The following PRPH2 variants were observed in gnomAD, a reference collection of about 807,000 sequenced individuals.
PRPH2 encodes the protein peripherin-2.
A neutral mutation model predicts 31.3 loss-of-function variants in PRPH2; 17 were observed. That is an observed-to-expected ratio of 0.54 (90% CI 0.37 to 0.81). PRPH2 has a LOEUF of 0.81. PRPH2 is among the 40% of genes least tolerant of loss of function. PRPH2 has a pLI of 0.00. For synonymous variants in PRPH2, 165 were observed against 184.4 expected, an observed-to-expected ratio of 0.89 and a Z score of 0.85; for missense variants, 430 against 439.7, an observed-to-expected ratio of 0.98 and a Z score of 0.20.
At chr6:42,704,115 T>TA (rs1582764149) in intron 2 of PRPH2, among the ~76,000 whole-genome samples, 1 of 117,242 alleles carries the variant, frequency 8.5e-6, no homozygotes, top group South Asian at 2.7e-4. Context: ...AAAAAAAAAA[T>TA]AAAAAAAATA....
At chr6:42,698,542 G>T in intron 2 of PRPH2, 35 bp from the exon 3 acceptor site, 1 of 1,613,298 alleles carries the variant, frequency 6.2e-7, no homozygotes, top group African/African-American at 1.3e-5. Context: ...AGGCAATCTG[G>T]GAGAATCGCT....
chr6:42,709,157 C>G (rs1048407045), intron 1 of PRPH2, among the ~76,000 whole-genome samples: 9 of 151,776 alleles, frequency 5.9e-5, no homozygotes, highest in Non-Finnish European at 1.3e-4. Context: ...GGTGAAACCC[C>G]GTCTCTACTA....
intron 1 of PRPH2, among the ~76,000 whole-genome samples, chr6:42,705,708 G>T (rs73426441): frequency 6.8e-6 from 1 of 146,560 alleles, no homozygotes; most frequent in Non-Finnish European, 1.5e-5. Flanking sequence ...TGTAATCCCA[G>T]CACTTTGGGA....
intron 1 of PRPH2, among the ~76,000 whole-genome samples, chr6:42,707,837 C>A (rs75499937): frequency 0.021 from 3,200 of 152,230 alleles, 56 homozygotes; most frequent in East Asian, 0.075. Context: ...GCCCAGAGAC[C>A]ACATGGCCCT....
Position 42,722,310 on chromosome 6 carries a change from C to A in PRPH2, c.25G>T (p.Asp9Tyr). 1.2e-6 allele frequency: 2 copies of A among 1,613,906 alleles called. No individual in the cohort carries two copies. Among genetic ancestry groups the A allele is most frequent in the South Asian group, 2.2e-5 (2 of 91,034 alleles). ...GCCAACTTGACCCGCTTCTTCTGGT[C>A]AAACTTGACTTTCAGTAGCGCCATG... Reference protein sequence around the residue: MALLKVKFDQKKRVKLAQG... With the variant: MALLKVKFYQKKRVKLAQG... The change falls in exon 1 of 3, where the codon GAC becomes TAC. Residue 9 changes from aspartate to tyrosine, a missense_variant. Physicochemically the swap from Asp to Tyr is radical, Grantham distance 160 (BLOSUM62 -3). Transcript: ENST00000230381. The surrounding 1 kb of genome is among the most constrained non-coding windows in gnomAD (Gnocchi z 4.4).
Position 42,698,271 on chromosome 6 carries a change from G to A in PRPH2, c.*24C>T, listed in dbSNP as rs368337679. 64 of 1,612,856 alleles carry A rather than the reference G, an allele frequency of 4.0e-5. No homozygotes were observed. Among genetic ancestry groups the A allele is most frequent in the Admixed American group, 2.3e-4 (14 of 59,942 alleles). On this transcript the variant is annotated 3_prime_UTR_variant, in exon 3 of 3. Transcript: ENST00000230381. The stretch of plus-strand genomic sequence containing the variant: ...TGGAGTGCACTATTTCTCAGTGTTC[G>A]GGAGGGGAGGGGCCCCAGGGCCCTC...
At chr6:42,705,585 AAAAAAAAAAAAAAAATATATATATATAT>A (rs1267602672) in intron 1 of PRPH2, among the ~76,000 whole-genome samples, 536 of 17,558 alleles carry the variant, frequency 0.031, 8 homozygotes, top group African/African-American at 0.074. Flanking sequence ...AAAAAAAAAA[AAAAAAAAAAAAAAAATATATATATATAT>A]ATATATATAT....
chr6:42,704,492 T>C lies in PRPH2; in HGVS notation c.701A>G (p.Tyr234Cys), dbSNP rs929419025. 6.2e-7 allele frequency: 1 copy of C among 1,613,984 alleles called. No individual in the cohort carries two copies. Among genetic ancestry groups the C allele is most frequent in the Non-Finnish European group, 8.5e-7 (1 of 1,180,010 alleles). ...CTCCTCCGTCTGGTGGTCGTAACTG[T>C]AGTGTGCTGAGTTGTTGGTGATCTG... ...QYQITNNSAH[Y>C]SYDHQTEELN... is the part of the protein sequence containing the mutation. Residue 234 changes from tyrosine to cysteine, a missense_variant, in exon 2 of 3, where the codon TAC becomes TGC. Physicochemically the swap from Tyr to Cys is radical, Grantham distance 194. Transcript: ENST00000230381.
At chr6:42,710,318 A>T (rs988531615) in intron 1 of PRPH2, among the ~76,000 whole-genome samples, 2 of 152,118 alleles carry the variant, frequency 1.3e-5, no homozygotes, top group African/African-American at 2.4e-5. Context: ...TCTCCCTCAT[A>T]CTGGGAACTT....
rs979771120 is a variant in PRPH2 at position 42,697,939 on chromosome 6, A to G, written c.*356T>C. Reference sequence around the variant, plus strand: ...AAATTCTAAAAGGGGAGCAGCCCTCAGATACGGCCAGTGGCCATAGGGTGG... The same window carrying G: ...AAATTCTAAAAGGGGAGCAGCCCTCGGATACGGCCAGTGGCCATAGGGTGG... On this transcript the variant is annotated 3_prime_UTR_variant, in exon 3 of 3. Coordinates refer to ENST00000230381, the MANE Select transcript of PRPH2 (RefSeq NM_000322.5). The G allele has an allele frequency of 2.9e-5, 8 of 276,890 alleles. No homozygotes were observed. Among genetic ancestry groups the G allele is most frequent in the African/African-American group, 4.3e-5 (2 of 46,250 alleles). The allele number at this position is 276,890 out of a possible 1,614,324, so 17.2% of individuals were successfully genotyped here. A position where few individuals can be genotyped will look rare whatever the true frequency, so the allele number is the denominator to read the frequency against.
chr6:42,698,062 GAGCTTCACTCACATTCACATT>G lies in PRPH2; in HGVS notation c.*212_*232del, dbSNP rs1199123576. 7 of 586,318 alleles carry G rather than the reference GAGCTTCACTCACATTCACATT, an allele frequency of 1.2e-5. No individual in the cohort carries two copies. In the African/African-American group the frequency reaches 1.3e-4, roughly 11 times the overall value. The allele number at this position is 586,318 out of a possible 1,614,324, so 36.3% of individuals were successfully genotyped here. A position where few individuals can be genotyped will look rare whatever the true frequency, so the allele number is the denominator to read the frequency against. ...TATCCTAGGGCAGCGGGCCTGAAGG[GAGCTTCACTCACATTCACATT>G]AGCTTCATTCACATTTTGGGTCAGT... On this transcript the variant is annotated 3_prime_UTR_variant, in exon 3 of 3. Transcript: ENST00000230381.
chr6:42,704,173 A>G (rs1216897154), intron 2 of PRPH2, among the ~76,000 whole-genome samples, 192 bp downstream of exon 2: 2 of 151,778 alleles, frequency 1.3e-5, no homozygotes, highest in Non-Finnish European at 2.9e-5. Flanking sequence ...ATGAATAAAT[A>G]AATAAATAAA....
At chr6:42,712,390 G>A (rs1761682982) in intron 1 of PRPH2, among the ~76,000 whole-genome samples, 1 of 152,180 alleles carries the variant, frequency 6.6e-6, no homozygotes, top group Non-Finnish European at 1.5e-5. Flanking sequence ...GACTGGTCTT[G>A]TGCTTATGTT....
intron 1 of PRPH2, among the ~76,000 whole-genome samples, chr6:42,705,599 A>AAAAAAT (rs1562424252): frequency 4.6e-5 from 1 of 21,594 alleles, no homozygotes; most frequent in African/African-American, 1.8e-4. Context: ...AAAAAAAAAA[A>AAAAAAT]ATATATATAT....
intron 1 of PRPH2, among the ~76,000 whole-genome samples, chr6:42,705,688 G>A (rs1800150310): frequency 6.9e-6 from 1 of 145,176 alleles, no homozygotes; most frequent in Admixed American, 7.0e-5. Context: ...CAGGCGCGGT[G>A]GCTCACGCCT....
At chr6:42,716,612 G>GT (rs145765747) in intron 1 of PRPH2, among the ~76,000 whole-genome samples, 1,790 of 111,232 alleles carry the variant, frequency 0.016, 10 homozygotes, top group Non-Finnish European at 0.018. Context: ...GGTTTGGTTG[G>GT]TTTTTTTTTT....
chr6:42,698,078 C>A lies in PRPH2; in HGVS notation c.*217G>T. On this transcript the variant is annotated 3_prime_UTR_variant, in exon 3 of 3. Coordinates refer to ENST00000230381, the MANE Select transcript of PRPH2 (RefSeq NM_000322.5). Reference sequence around the variant, plus strand: ...GCCTGAAGGGAGCTTCACTCACATTCACATTAGCTTCATTCACATTTTGGG... The same window carrying A: ...GCCTGAAGGGAGCTTCACTCACATTAACATTAGCTTCATTCACATTTTGGG... 1.6e-6 allele frequency: 1 copy of A among 630,582 alleles called. No homozygotes were observed. The highest frequency in any genetic ancestry group is 2.7e-6 in the Non-Finnish European group (1 of 370,654). The allele number at this position is 630,582 out of a possible 1,614,324, so 39.1% of individuals were successfully genotyped here. A position where few individuals can be genotyped will look rare whatever the true frequency, so the allele number is the denominator to read the frequency against.
intron 1 of PRPH2, among the ~76,000 whole-genome samples, chr6:42,720,566 G>A (rs1013326351): frequency 3.9e-5 from 6 of 152,276 alleles, no homozygotes; most frequent in African/African-American, 1.2e-4. Context: ...CCTTCACTTG[G>A]ACGTCCCTTC....
chr6:42,705,599 A>AAAAAAATATATATATATATAT (rs1562424252), intron 1 of PRPH2, among the ~76,000 whole-genome samples: 3 of 21,562 alleles, frequency 1.4e-4, no homozygotes, highest in African/African-American at 3.7e-4. Flanking sequence ...AAAAAAAAAA[A>AAAAAAATATATATATATATAT]ATATATATAT....
Sources: gnomAD v4.1 joint callset for allele counts (sites outside exome capture counted in the v4.1 genomes callset) on GRCh38, gnomAD v4.1.1 for gene constraint, Gnocchi (gnomAD v3.1) non-coding constraint, MANE v1.5 for transcripts, NCBI Gene and HGNC (gene_info 2026-07-23, HGNC 2026-07-21) for gene names.